Variants in GPHN observed in about 807,000 individuals in gnomAD.
GPHN encodes gephyrin.
In GPHN, 17 loss-of-function variants were observed where a neutral mutation model predicts 95.5. The ratio of observed to expected loss-of-function variants is 0.18; its 90% CI spans 0.12 to 0.27. The LOEUF is 0.27. Among genes scored for constraint, GPHN ranks in the 10% least tolerant of loss-of-function variants. The probability of loss-of-function intolerance (pLI) is 1.00; values close to 1 mark genes in which losing one functional copy is unlikely to be tolerated. For synonymous variants in GPHN, 320 were observed against 322.5 expected (o/e 0.99, Z 0.08); for missense variants, 660 against 978.1 (o/e 0.67, Z 4.34).
At chr14:67,474,914 C>CTTTTT in the GPHN span, among the ~76,000 whole-genome samples, 166 of 124,918 alleles carry the variant, frequency 1.3e-3, no homozygotes, top group African/African-American at 2.3e-3. Flanking sequence ...GAATTTCCTT[C>CTTTTT]TTTTTTTTTT....
chr14:67,661,488 C>T, the GPHN span, among the ~76,000 whole-genome samples: 1 of 148,704 alleles, frequency 6.7e-6, no homozygotes, highest in African/African-American at 2.5e-5. Flanking sequence ...TACCTCTAAA[C>T]TACATTTTCT....
At chr14:66,969,338 G>T (rs1482351931) in intron 9 of GPHN, 1 of 152,120 alleles carries the variant, frequency 6.6e-6, no homozygotes, top group African/African-American at 2.4e-5. Context: ...ATTTAAAGAA[G>T]TATAGACAAT....
intron 2 of GPHN, among the ~76,000 whole-genome samples, chr14:66,712,203 A>G (rs1193346705): frequency 6.6e-6 from 1 of 152,184 alleles, no homozygotes; most frequent in Non-Finnish European, 1.5e-5. Context: ...TTACACTCCC[A>G]CCAACAGTGT....
the GPHN span, among the ~76,000 whole-genome samples, chr14:67,643,611 C>T: frequency 5.0e-4 from 76 of 152,216 alleles, 1 homozygote; most frequent in Non-Finnish European, 1.1e-3. Context: ...ATTGCTTGAG[C>T]CCAGGAGTTT....
rs569200323 is a variant in GPHN at position 67,086,439 on chromosome 14, C to T, written c.1145-2544C>T. ...GGCCGAGGCGGGCAGATCACGAGGT[C>T]AGGAGATCGAGACCATCCTGGCTAA... is the stretch of plus-strand genomic sequence containing the variant. On this transcript the variant is annotated intron_variant, in intron 11 of 22. Coordinates refer to ENST00000478722, the MANE Select transcript of GPHN (RefSeq NM_020806.5). 1.8e-4 allele frequency among the ~76,000 whole-genome samples: 28 copies of T among 152,006 alleles called. No individual in the cohort carries two copies. In the East Asian group the frequency reaches 5.4e-3, roughly 29 times the overall value.
intron 12 of GPHN, 40 bp downstream of exon 12, chr14:67,089,115 A>ATTTTTTTTTTT (rs371624615): frequency 1.1e-4 from 39 of 363,242 alleles, no homozygotes; most frequent in Non-Finnish European, 1.7e-4. Context: ...CAGGCACTGT[A>ATTTTTTTTTTT]TTTTTTTTTC....
intron 1 of GPHN, among the ~76,000 whole-genome samples, chr14:66,567,099 A>G (rs923152206): frequency 2.6e-5 from 4 of 152,150 alleles, no homozygotes; most frequent in African/African-American, 9.7e-5. Flanking sequence ...GTCATTTAAC[A>G]TATTTTTGGG....
At chr14:66,778,840 A>G (rs1441800348) in intron 3 of GPHN, among the ~76,000 whole-genome samples, 1 of 138,086 alleles carries the variant, frequency 7.2e-6, no homozygotes, top group African/African-American at 2.8e-5. Flanking sequence ...GGTTCAAGTG[A>G]TTTTCCTGCC....
the GPHN span, among the ~76,000 whole-genome samples, chr14:67,509,229 C>G: frequency 2.0e-5 from 3 of 152,200 alleles, no homozygotes; most frequent in African/African-American, 7.2e-5. Context: ...ACAGACCTCT[C>G]CTTACTGAAC....
At chr14:67,450,942 A>T in the GPHN span, among the ~76,000 whole-genome samples, 43 of 152,300 alleles carry the variant, frequency 2.8e-4, no homozygotes, top group South Asian at 5.6e-3. Context: ...CTAGGAGGAA[A>T]AAGTGGTTTT....
chr14:67,036,635 T>C (rs1806938672), intron 10 of GPHN, among the ~76,000 whole-genome samples: 1 of 151,234 alleles, frequency 6.6e-6, no homozygotes, highest in African/African-American at 2.4e-5. Context: ...TTTTATACAC[T>C]AACAGTGAAT....
chr14:66,816,814 CAA>C (rs1443085457), intron 3 of GPHN, among the ~76,000 whole-genome samples: 6 of 152,070 alleles, frequency 3.9e-5, no homozygotes, highest in Non-Finnish European at 8.8e-5. Context: ...AAGCTGAACT[CAA>C]AGAGATTGAG....
At chr14:67,267,248 T>C in the GPHN span, among the ~76,000 whole-genome samples, 1 of 152,164 alleles carries the variant, frequency 6.6e-6, no homozygotes, top group East Asian at 1.9e-4. Context: ...TCAATTAAAA[T>C]TCATTATTTA....
At chr14:67,579,626 C>T in the GPHN span, 14 of 1,267,770 alleles carry the variant, frequency 1.1e-5, no homozygotes, top group African/African-American at 1.8e-4. Flanking sequence ...TTTGCCCTTG[C>T]TCCTTTCCAC....
At chr14:67,149,208 G>A (rs1358494969) in intron 18 of GPHN, among the ~76,000 whole-genome samples, 1 of 152,062 alleles carries the variant, frequency 6.6e-6, no homozygotes, top group Non-Finnish European at 1.5e-5. Flanking sequence ...GCTGGGCGTG[G>A]TGGCGGGCGC....
intron 2 of GPHN, among the ~76,000 whole-genome samples, chr14:66,706,745 A>T (rs1477606270): frequency 6.6e-6 from 1 of 152,234 alleles, no homozygotes; most frequent in East Asian, 1.9e-4. Flanking sequence ...TTCAGGACAC[A>T]GGCATGGGCA....
intron 3 of GPHN, among the ~76,000 whole-genome samples, chr14:66,820,369 C>T (rs889107016): frequency 6.6e-6 from 1 of 152,112 alleles, no homozygotes; most frequent in Non-Finnish European, 1.5e-5. Context: ...CCAGAGACAA[C>T]ATATAGTCTT....
chr14:67,138,650 TG>T (rs1215993381), intron 17 of GPHN, among the ~76,000 whole-genome samples: 4 of 152,120 alleles, frequency 2.6e-5, no homozygotes, highest in African/African-American at 9.7e-5. Context: ...TTTGTTATAC[TG>T]TTATGTTGGA....
At chr14:67,276,166 T>G in the GPHN span, among the ~76,000 whole-genome samples, 1 of 150,854 alleles carries the variant, frequency 6.6e-6, no homozygotes. Flanking sequence ...ATCCTCTGCT[T>G]AAAATGTTTT....
Sources: allele counts gnomAD v4.1 joint callset (sites outside exome capture counted in the v4.1 genomes callset), GRCh38; gene constraint gnomAD v4.1.1; transcripts MANE v1.5; gene names NCBI Gene and HGNC (gene_info 2026-07-23, HGNC 2026-07-21).